The following NAALADL2 variants were observed in gnomAD, a reference collection of about 807,000 sequenced individuals.
NAALADL2 encodes inactive N-acetylated-alpha-linked acidic dipeptidase-like protein 2.
In NAALADL2, 76 loss-of-function variants were observed where a neutral mutation model predicts 87.2. That is an observed-to-expected ratio of 0.87 (90% confidence interval 0.72 to 1.05). The LOEUF is 1.05. Among genes scored for constraint, NAALADL2 ranks in the 50% least tolerant of loss-of-function variants. The pLI is 0.00. For synonymous variants in NAALADL2, 354 were observed against 331.0 expected (o/e 1.07, Z -0.75); for missense variants, 1,089 against 945.8 (o/e 1.15, Z -1.99).
intron 4 of NAALADL2, among the ~76,000 whole-genome samples, chr3:175,290,425 G>C (rs184314960): frequency 2.0e-5 from 3 of 152,302 alleles, no homozygotes; most frequent in Admixed American, 2.0e-4. Flanking sequence ...AAGTAGATCA[G>C]TGGTTTCCTA....
At chr3:174,834,927 A>T (rs111605156) in intron 3 of NAALADL2, among the ~76,000 whole-genome samples, 1 of 151,898 alleles carries the variant, frequency 6.6e-6, no homozygotes, top group Non-Finnish European at 1.5e-5. Flanking sequence ...ATAAAAAATG[A>T]CAAGTTGATT....
chr3:174,853,228 A>G (rs903919703), intron 3 of NAALADL2, among the ~76,000 whole-genome samples: 12 of 141,878 alleles, frequency 8.5e-5, no homozygotes, highest in African/African-American at 3.2e-4. Context: ...AAAAAAAAAA[A>G]TTAGCCGGGT....
At chr3:175,730,415 T>TATATATATATATATATATATATATATAG (rs1743546050) in intron 11 of NAALADL2, among the ~76,000 whole-genome samples, 1 of 91,966 alleles carries the variant, frequency 1.1e-5, no homozygotes, top group Non-Finnish European at 2.3e-5. Flanking sequence ...TATATATATA[T>TATATATATATATATATATATATATATAG]ATATATATAT....
intron 2 of NAALADL2, among the ~76,000 whole-genome samples, chr3:174,720,127 A>G (rs1731569052): frequency 6.6e-6 from 1 of 152,156 alleles, no homozygotes. Context: ...AAAAATATCA[A>G]GAAATAATTT....
intron 10 of NAALADL2, among the ~76,000 whole-genome samples, chr3:175,620,075 A>G (rs926989677): frequency 5.5e-5 from 1 of 18,182 alleles, no homozygotes; most frequent in African/African-American, 7.7e-5. Flanking sequence ...CTCTTTTTGG[A>G]AAAAAAAAAA....
intron 10 of NAALADL2, among the ~76,000 whole-genome samples, chr3:175,608,357 C>A (rs1249250595): frequency 6.6e-6 from 1 of 150,950 alleles, no homozygotes; most frequent in Non-Finnish European, 1.5e-5. Context: ...TTTCCTAAAT[C>A]TGCATTTTCT....
rs376266890 is a variant in NAALADL2, at chr3:175,504,664, C to G, written c.1653+32906C>G. Among the ~76,000 whole-genome samples the G allele has an allele frequency of 3.4e-3, 508 of 150,362 alleles. 3 individuals are homozygous for G. Among genetic ancestry groups the G allele is most frequent in the African/African-American group, 0.012 (491 of 40,966 alleles). ...AGTCATTTGCAGGCCAGCAAGAGAC[C>G]CTTCACCAGAACCCAACCAATGAGA... On this transcript the variant is annotated intron_variant, in intron 9 of 13. Transcript: ENST00000454872.
chr3:175,368,363 G>C (rs1765948922), intron 5 of NAALADL2, among the ~76,000 whole-genome samples: 1 of 152,034 alleles, frequency 6.6e-6, no homozygotes, highest in Non-Finnish European at 1.5e-5. Flanking sequence ...GGATGATGCT[G>C]GCCTCATAAA....
chr3:175,228,951 C>A (rs1305137606), intron 2 of NAALADL2, among the ~76,000 whole-genome samples: 1 of 151,850 alleles, frequency 6.6e-6, no homozygotes, highest in African/African-American at 2.4e-5. Flanking sequence ...AGTAGTCCAG[C>A]TTATTTTAGG....
intron 1 of NAALADL2, among the ~76,000 whole-genome samples, chr3:174,994,425 T>C (rs913378735): frequency 6.6e-6 from 1 of 152,198 alleles, no homozygotes; most frequent in Non-Finnish European, 1.5e-5. Context: ...ACTTTAAATA[T>C]AGCAAACACA....
In NAALADL2 at chr3:175,801,196, C is replaced by G. The variant is rs371077035; in HGVS notation, c.2190-1809C>G. ...AATTTAAGTCTTTGTCACCTTTCAT[C>G]TGGACTAAGTGGTCTTCTGTTCTCC... On this transcript the variant is annotated intron_variant, in intron 13 of 13. Transcript: ENST00000454872. Among the ~76,000 whole-genome samples, 11 of 152,264 alleles carry G rather than the reference C, an allele frequency of 7.2e-5. No individual in the cohort carries two copies. The East Asian group carries it at 2.1e-3, about 29-fold the overall frequency.
Position 175,431,425 on chromosome 3 carries a change from C to T in NAALADL2, c.1091-15804C>T, listed in dbSNP as rs182412571. On this transcript the variant is annotated intron_variant, in intron 5 of 13. Transcript: ENST00000454872. ...GTTTATGGATAGTATTTGTCACTGG[C>T]GTAATGTGACTCATTTATATTGTAC... is the stretch of plus-strand genomic sequence containing the variant. Among the ~76,000 whole-genome samples the T allele has an allele frequency of 2.3e-3, 356 of 152,030 alleles. 2 individuals carry two copies. The highest frequency in any genetic ancestry group is 5.7e-3 in the African/African-American group (235 of 41,500).
At chr3:175,108,180 AAT>A (rs34002429) in intron 2 of NAALADL2, among the ~76,000 whole-genome samples, 66,125 of 151,370 alleles carry the variant, frequency 0.44, 14,443 homozygotes, top group East Asian at 0.52. Flanking sequence ...TTATATACAC[AAT>A]GTCATAATAT....
chr3:175,733,652 C>T (rs1354798098), intron 11 of NAALADL2, among the ~76,000 whole-genome samples: 1 of 152,174 alleles, frequency 6.6e-6, no homozygotes, highest in African/African-American at 2.4e-5. Context: ...CAACTCATTT[C>T]AGCATTAACT....
intron 2 of NAALADL2, among the ~76,000 whole-genome samples, chr3:174,654,789 G>A (rs577251980): frequency 6.6e-6 from 1 of 152,258 alleles, no homozygotes; most frequent in South Asian, 2.1e-4. Flanking sequence ...AGGCTGGAGT[G>A]CAGTGACGCC....
At chr3:174,701,214 A>G (rs1305182013) in intron 2 of NAALADL2, among the ~76,000 whole-genome samples, 2 of 151,038 alleles carry the variant, frequency 1.3e-5, no homozygotes, top group African/African-American at 4.8e-5. Context: ...ATTTCAAAAT[A>G]GTATAAAAAT....
At chr3:175,033,836 A>G (rs1753079959) in intron 1 of NAALADL2, among the ~76,000 whole-genome samples, 1 of 152,152 alleles carries the variant, frequency 6.6e-6, no homozygotes, top group East Asian at 1.9e-4. Flanking sequence ...ATCTGAATTT[A>G]TAGTCTAAGA....
At chr3:175,771,420 T>C (rs1749471270) in intron 13 of NAALADL2, among the ~76,000 whole-genome samples, 1 of 152,212 alleles carries the variant, frequency 6.6e-6, no homozygotes, top group South Asian at 2.1e-4. Context: ...TGTATTAGTT[T>C]CCTGTGGCTT....
chr3:175,613,602 G>A (rs1353397075), intron 10 of NAALADL2, among the ~76,000 whole-genome samples: 2 of 152,146 alleles, frequency 1.3e-5, no homozygotes, highest in African/African-American at 2.4e-5. Context: ...TAAATATAAA[G>A]TCAATCATAT....
Sources: gnomAD v4.1 joint callset for allele counts (sites outside exome capture counted in the v4.1 genomes callset) on GRCh38, gnomAD v4.1.1 for gene constraint, MANE v1.5 for transcripts, NCBI Gene and HGNC (gene_info 2026-07-23, HGNC 2026-07-21) for gene names.